Variants in IGSF11 observed in about 807,000 individuals in gnomAD.
IGSF11 encodes immunoglobulin superfamily member 11.
Under a neutral mutation model 41.0 loss-of-function variants are expected in IGSF11, and 22 were observed. That is an observed-to-expected ratio of 0.54 (90% CI 0.38 to 0.77). The LOEUF is 0.77. Among genes scored for constraint, IGSF11 ranks in the 30% least tolerant of loss-of-function variants. IGSF11 has a pLI of 0.00. For missense variants in IGSF11, 444 were observed against 530.8 expected (o/e 0.84, Z 1.61); for synonymous variants, 219 against 201.3 (o/e 1.09, Z -0.74).
intron 1 of IGSF11, among the ~76,000 whole-genome samples, chr3:119,011,834 C>G (rs937897447): frequency 2.0e-5 from 3 of 152,102 alleles, no homozygotes; most frequent in Non-Finnish European, 2.9e-5. Flanking sequence ...TCTTACAACA[C>G]AGCATTCAAA....
chr3:118,978,758 C>T (rs929325140), intron 1 of IGSF11, among the ~76,000 whole-genome samples: 15 of 152,170 alleles, frequency 9.9e-5, no homozygotes, highest in Admixed American at 9.8e-4. Context: ...CAACCGACAC[C>T]ATATATTCAT....
chr3:119,074,068 G>T (rs2076450334), intron 1 of IGSF11, among the ~76,000 whole-genome samples: 1 of 152,150 alleles, frequency 6.6e-6, no homozygotes, highest in South Asian at 2.1e-4. Context: ...AGTAATAGTG[G>T]GAGATTTCAA....
intron 1 of IGSF11, among the ~76,000 whole-genome samples, chr3:119,110,793 C>CAGGGA (rs1655581506): frequency 6.6e-6 from 1 of 151,728 alleles, no homozygotes; most frequent in Admixed American, 6.6e-5. Context: ...CTGGTGGTGA[C>CAGGGA]AAAATCTCTC....
At chr3:119,037,142 T>C (rs1240863138), upstream of IGSF11, among the ~76,000 whole-genome samples, 1 of 152,208 alleles carries the variant, frequency 6.6e-6, no homozygotes, top group East Asian at 1.9e-4. Flanking sequence ...TTATTAGTAA[T>C]GATGAGTTTC....
intron 1 of IGSF11, among the ~76,000 whole-genome samples, chr3:119,007,162 C>A (rs1325181068): frequency 2.1e-5 from 3 of 143,548 alleles, no homozygotes; most frequent in Non-Finnish European, 4.5e-5. Flanking sequence ...GATATAGTCT[C>A]GTGGTGCGCC....
intron 1 of IGSF11, among the ~76,000 whole-genome samples, chr3:118,954,871 A>C (rs1259057953): frequency 6.6e-6 from 1 of 151,972 alleles, no homozygotes; most frequent in Non-Finnish European, 1.5e-5. Flanking sequence ...ATACCACCTT[A>C]CTCCTGCAAG....
chr3:119,051,709 G>C (rs910589151), intron 1 of IGSF11, among the ~76,000 whole-genome samples: 3 of 152,112 alleles, frequency 2.0e-5, no homozygotes, highest in South Asian at 2.1e-4. Context: ...CATTCTCCAA[G>C]ATAGACCATA....
Position 119,019,981 on chromosome 3 carries a change from A to G in IGSF11, c.52+14550T>C, listed in dbSNP as rs182313300. ...CAAATGAGATTTATGCCATTATAAA[A>G]GAAGCCCCAGGGAGCTCTTTGCCCC... is the stretch of plus-strand genomic sequence containing the variant. On this transcript the variant is annotated intron_variant, in intron 1 of 6. Coordinates refer to ENST00000393775, the MANE Select transcript of IGSF11 (RefSeq NM_001015887.3). 1.4e-3 allele frequency among the ~76,000 whole-genome samples: 215 copies of G among 152,322 alleles called. 1 individual carries two copies. Among genetic ancestry groups the G allele is most frequent in the African/African-American group, 4.7e-3 (194 of 41,576 alleles).
intron 1 of IGSF11, 129 bp downstream of exon 1, chr3:119,034,402 G>T: frequency 1.1e-6 from 1 of 915,516 alleles, no homozygotes; most frequent in Non-Finnish European, 1.5e-6. Flanking sequence ...AACGAACGCC[G>T]CCCCTGAGAA....
At chr3:118,990,102 G>T (rs1003129737) in intron 1 of IGSF11, among the ~76,000 whole-genome samples, 1 of 152,184 alleles carries the variant, frequency 6.6e-6, no homozygotes, top group African/African-American at 2.4e-5. Context: ...CACAGAGACT[G>T]GCATGATTTT....
chr3:119,113,494 A>G (rs1200331256), intron 1 of IGSF11, among the ~76,000 whole-genome samples: 1 of 152,326 alleles, frequency 6.6e-6, no homozygotes, highest in South Asian at 2.1e-4. Context: ...TAAAGCTTCA[A>G]AATAACCTCC....
In IGSF11 at chr3:118,992,629, G is replaced by A. The variant is rs534087888; in HGVS notation, c.52+41902C>T. Among the ~76,000 whole-genome samples, 17 of 152,234 alleles carry A rather than the reference G, an allele frequency of 1.1e-4. No individual in the cohort carries two copies. The South Asian group carries it at 1.5e-3, about 13-fold the overall frequency. ...TCTGGTTTTATGAATCTGATCCTGC[G>A]ACTATAGAAGTTTGCAGGCCCTTAA... is the stretch of plus-strand genomic sequence containing the variant. On this transcript the variant is annotated intron_variant, in intron 1 of 6. Coordinates refer to ENST00000393775, the MANE Select transcript of IGSF11 (RefSeq NM_001015887.3).
chr3:119,111,567 A>G (rs973672151), intron 1 of IGSF11, among the ~76,000 whole-genome samples: 11 of 152,046 alleles, frequency 7.2e-5, no homozygotes, highest in Non-Finnish European at 1.2e-4. Flanking sequence ...TAGTTTGATC[A>G]TCTGAAGCCT....
At chr3:119,011,237 T>C (rs1938079079) in intron 1 of IGSF11, among the ~76,000 whole-genome samples, 1 of 152,088 alleles carries the variant, frequency 6.6e-6, no homozygotes, top group Non-Finnish European at 1.5e-5. Context: ...ATCGTGGTGC[T>C]GGGCAGCTAA....
intron 1 of IGSF11, among the ~76,000 whole-genome samples, chr3:119,054,234 C>T (rs1416326056): frequency 6.6e-6 from 1 of 152,148 alleles, no homozygotes. Context: ...AGGCAACCCA[C>T]AGAGGGGGAG....
At chr3:119,065,290 T>C (rs1022424118) in intron 1 of IGSF11, among the ~76,000 whole-genome samples, 1 of 152,222 alleles carries the variant, frequency 6.6e-6, no homozygotes, top group Non-Finnish European at 1.5e-5. Context: ...TTTTTCTTGA[T>C]GATATATAGA....
chr3:119,138,171 A>G (rs1003088482), intron 1 of IGSF11, among the ~76,000 whole-genome samples: 1 of 151,956 alleles, frequency 6.6e-6, no homozygotes, highest in Non-Finnish European at 1.5e-5. Flanking sequence ...AAAAAAAAAA[A>G]AAAACTAAAA....
In IGSF11 at chr3:118,989,488, G is replaced by A. The variant is rs1935583347; in HGVS notation, c.52+45043C>T. ...CTGCCTCAGGCTCCTGAGTAGCTGGGACTACAGGCGCCCACCACCACGCCC... is the reference window on the plus strand; with the variant it reads ...CTGCCTCAGGCTCCTGAGTAGCTGGAACTACAGGCGCCCACCACCACGCCC... On this transcript the variant is annotated intron_variant, in intron 1 of 6. Coordinates refer to ENST00000393775, the MANE Select transcript of IGSF11 (RefSeq NM_001015887.3). Among the ~76,000 whole-genome samples the A allele has an allele frequency of 2.6e-5, 4 of 152,186 alleles. No individual in the cohort carries two copies. In the South Asian group the frequency reaches 8.3e-4, roughly 32 times the overall value.
chr3:119,139,217 G>A (rs777505855), intron 1 of IGSF11, among the ~76,000 whole-genome samples: 11 of 151,562 alleles, frequency 7.3e-5, no homozygotes, highest in African/African-American at 1.2e-4. Flanking sequence ...AAATAAAAAC[G>A]GACACAATCA....
Sources: gnomAD v4.1 joint callset for allele counts (sites outside exome capture counted in the v4.1 genomes callset) on GRCh38, gnomAD v4.1.1 for gene constraint, MANE v1.5 for transcripts, NCBI Gene and HGNC (gene_info 2026-07-23, HGNC 2026-07-21) for gene names.